BMPER: variants seen among roughly 807,000 people sequenced by gnomAD.
The protein encoded by BMPER is BMP-binding endothelial regulator protein.
Under a neutral mutation model 87.3 loss-of-function variants are expected in BMPER, and 45 were observed. That is an observed-to-expected ratio of 0.52 (90% CI 0.41 to 0.66). BMPER has a LOEUF of 0.66. BMPER is among the 30% of genes least tolerant of loss of function. The probability of loss-of-function intolerance (pLI) is 0.00; values close to 1 mark genes in which losing one functional copy is unlikely to be tolerated. For missense variants in BMPER, 784 were observed against 867.5 expected (o/e 0.90, Z 1.21); for synonymous variants, 326 against 316.2 (o/e 1.03, Z -0.33).
intron 6 of BMPER, among the ~76,000 whole-genome samples, chr7:34,043,499 G>A (rs1787883834): frequency 3.9e-5 from 6 of 152,172 alleles, no homozygotes; most frequent in Admixed American, 3.9e-4. Flanking sequence ...GTGTAGCATA[G>A]CACTGTCAAA....
At chr7:34,147,814 C>A (rs992771820) in intron 14 of BMPER, among the ~76,000 whole-genome samples, 1 of 152,140 alleles carries the variant, frequency 6.6e-6, no homozygotes, top group Non-Finnish European at 1.5e-5. Context: ...TTTTAAAATA[C>A]ATATGTGCCC....
chr7:34,128,743 A>AT (rs1790467729), intron 13 of BMPER, among the ~76,000 whole-genome samples: 2 of 152,208 alleles, frequency 1.3e-5, no homozygotes, highest in African/African-American at 2.4e-5. Context: ...GCTGGAAGTT[A>AT]TAGAACACAT....
chr7:33,907,968 A>G (rs1417454326), intron 2 of BMPER, among the ~76,000 whole-genome samples: 1 of 152,222 alleles, frequency 6.6e-6, no homozygotes, highest in Non-Finnish European at 1.5e-5. Context: ...GTATCAAACA[A>G]TTATCAGGTT....
At chr7:33,951,937 G>A (rs1785036305) in intron 3 of BMPER, among the ~76,000 whole-genome samples, 1 of 152,098 alleles carries the variant, frequency 6.6e-6, no homozygotes, top group Admixed American at 6.6e-5. Context: ...CGAGTTCTAG[G>A]CCCTTGATAT....
chr7:33,970,280 C>T (rs1196922640), intron 4 of BMPER, 49 bp from the exon 5 acceptor site: 9 of 1,578,008 alleles, frequency 5.7e-6, no homozygotes, highest in Non-Finnish European at 7.8e-6. Context: ...AAAGTAGTAA[C>T]TCCGTGGGAA....
chr7:34,072,139 A>G (rs1048676174), intron 11 of BMPER, among the ~76,000 whole-genome samples: 2 of 152,348 alleles, frequency 1.3e-5, no homozygotes, highest in East Asian at 3.9e-4. Context: ...TACAATGTGC[A>G]CAGACATAGT....
At chr7:33,924,496 G>A (rs1227415374) in intron 2 of BMPER, among the ~76,000 whole-genome samples, 6 of 152,132 alleles carry the variant, frequency 3.9e-5, no homozygotes, top group South Asian at 4.1e-4. Flanking sequence ...CTCCAGCTGC[G>A]CGCTGTGCTC....
At chr7:34,028,601 G>GGTT (rs1787426612) in intron 6 of BMPER, among the ~76,000 whole-genome samples, 7 of 36,054 alleles carry the variant, frequency 1.9e-4, no homozygotes, top group African/African-American at 5.3e-4. Context: ...CATTTTTTCT[G>GGTT]TTTTTTTTTT....
At chr7:33,970,468 G>A (rs772340648) in intron 5 of BMPER, 49 bp downstream of exon 5, 9 of 1,566,778 alleles carry the variant, frequency 5.7e-6, no homozygotes, top group African/African-American at 4.1e-5. Flanking sequence ...TGTTCTTTCA[G>A]GAATGCATGA....
chr7:34,108,962 T>C (rs908898312), intron 13 of BMPER, among the ~76,000 whole-genome samples: 1 of 152,196 alleles, frequency 6.6e-6, no homozygotes, highest in African/African-American at 2.4e-5. Flanking sequence ...GATTTTGAGA[T>C]GGATTCTCCA....
chr7:33,935,298 C>T (rs564271608), intron 2 of BMPER, among the ~76,000 whole-genome samples: 1 of 152,252 alleles, frequency 6.6e-6, no homozygotes, highest in South Asian at 2.1e-4. Flanking sequence ...TATCCCAGCT[C>T]AGCCCCAGTG....
chr7:34,009,806 A>G (rs1430646853), intron 6 of BMPER, among the ~76,000 whole-genome samples: 2 of 151,964 alleles, frequency 1.3e-5, no homozygotes, highest in Non-Finnish European at 2.9e-5. Flanking sequence ...AGACTTCTCA[A>G]AACATTTTTC....
intron 3 of BMPER, among the ~76,000 whole-genome samples, chr7:33,956,857 A>G (rs184418435): frequency 3.2e-4 from 48 of 152,346 alleles, no homozygotes; most frequent in Non-Finnish European, 5.9e-4. Flanking sequence ...GTAGGCTATT[A>G]GGTATGTTTT....
intron 5 of BMPER, among the ~76,000 whole-genome samples, chr7:33,974,250 C>T (rs1785622255): frequency 6.6e-6 from 1 of 152,066 alleles, no homozygotes; most frequent in Non-Finnish European, 1.5e-5. Flanking sequence ...GATTGGGGTA[C>T]CTAGGACGCG....
At chr7:34,038,898 C>T (rs1352194603) in intron 6 of BMPER, among the ~76,000 whole-genome samples, 2 of 152,214 alleles carry the variant, frequency 1.3e-5, no homozygotes, top group Non-Finnish European at 2.9e-5. Context: ...GGTCAGAAAG[C>T]TTCCAAGATC....
chr7:34,021,954 T>C lies in BMPER; in HGVS notation c.577-24352T>C, dbSNP rs114863993. Among the ~76,000 whole-genome samples, 1,237 of 152,108 alleles carry C rather than the reference T, an allele frequency of 8.1e-3. 19 individuals carry two copies. Among genetic ancestry groups the C allele is most frequent in the African/African-American group, 0.028 (1,166 of 41,534 alleles). The stretch of plus-strand genomic sequence containing the variant: ...CTTGTGGACTGTACAGACTCCTGCA[T>C]TGTGATGGCAGTGATGAGGTTCCAG... On this transcript the variant is annotated intron_variant, in intron 6 of 14. Transcript: ENST00000649409.
chr7:33,950,740 C>T (rs1170576821), intron 3 of BMPER, among the ~76,000 whole-genome samples: 1 of 152,118 alleles, frequency 6.6e-6, no homozygotes, highest in Non-Finnish European at 1.5e-5. Context: ...ATCACATTCA[C>T]AGGTTTTGCC....
At chr7:33,943,648 A>C (rs1784817478) in intron 3 of BMPER, among the ~76,000 whole-genome samples, 1 of 152,132 alleles carries the variant, frequency 6.6e-6, no homozygotes, top group Non-Finnish European at 1.5e-5. Context: ...AGACAAGGCT[A>C]TTTTCTTTCC....
intron 6 of BMPER, among the ~76,000 whole-genome samples, chr7:33,975,864 T>G (rs1037979062): frequency 6.6e-6 from 1 of 152,034 alleles, no homozygotes; most frequent in Non-Finnish European, 1.5e-5. Context: ...TCAGCACACA[T>G]GCACCCAACC....
Sources: allele counts gnomAD v4.1 joint callset (sites outside exome capture counted in the v4.1 genomes callset), GRCh38; gene constraint gnomAD v4.1.1; transcripts MANE v1.5; gene names NCBI Gene and HGNC (gene_info 2026-07-23, HGNC 2026-07-21).